MED12L: variants seen among roughly 807,000 people sequenced by gnomAD.
The protein encoded by MED12L is mediator complex subunit 12L, also known as mediator of RNA polymerase II transcription subunit 12-like protein.
In MED12L, 60 loss-of-function variants were observed where a neutral mutation model predicts 281.3. The ratio of observed to expected loss-of-function variants is 0.21; its 90% CI spans 0.17 to 0.26. The LOEUF is 0.26. MED12L is among the 10% of genes least tolerant of loss of function. The pLI, the probability that MED12L is intolerant of heterozygous loss-of-function variation, is 1.00. For synonymous variants in MED12L, 974 were observed against 987.2 expected (o/e 0.99, Z 0.25); for missense variants, 2,146 against 2,680.9 (o/e 0.80, Z 4.41).
intron 43 of MED12L, among the ~76,000 whole-genome samples, chr3:151,418,555 G>T (rs1717886444): frequency 6.6e-6 from 1 of 152,148 alleles, no homozygotes; most frequent in Non-Finnish European, 1.5e-5. Flanking sequence ...GATTAATCAT[G>T]ATTAGATTCA....
intron 16 of MED12L, among the ~76,000 whole-genome samples, chr3:151,299,802 A>G (rs141792439): frequency 2.0e-5 from 3 of 152,100 alleles, no homozygotes; most frequent in Non-Finnish European, 4.4e-5. Context: ...ATCTTCCATA[A>G]ATATTATTAA....
chr3:151,409,264 G>T lies in MED12L; in HGVS notation c.5842G>T (p.Ala1948Ser). Residue 1948 changes from alanine to serine, a missense_variant, in exon 40 of 45, where the codon GCT becomes TCT. Coordinates refer to ENST00000687756, the MANE Select transcript of MED12L (RefSeq NM_001393769.1). ...FQQGQPGDQA[A>S]LFAAQARPSP... ...CCAGGGCCAGCCGGGGGACCAGGCTGCTCTCTTTGCTGCGCAAGCACGGCC... is the reference window on the plus strand; with the variant it reads ...CCAGGGCCAGCCGGGGGACCAGGCTTCTCTCTTTGCTGCGCAAGCACGGCC... The T allele has an allele frequency of 6.2e-7, 1 of 1,608,214 alleles. No homozygotes were observed.
chr3:151,163,058 CAT>C (rs1258481304), intron 8 of MED12L, among the ~76,000 whole-genome samples: 2 of 152,106 alleles, frequency 1.3e-5, no homozygotes, highest in African/African-American at 2.4e-5. Flanking sequence ...GGCAGGATAA[CAT>C]AGTGGTTCTG....
intron 32 of MED12L, among the ~76,000 whole-genome samples, chr3:151,380,532 G>A (rs1215387448): frequency 1.3e-5 from 2 of 151,598 alleles, no homozygotes; most frequent in Non-Finnish European, 2.9e-5. Flanking sequence ...GGGAGGCAGA[G>A]GCTGCAGTGA....
At chr3:151,343,060 A>G (rs570869140) in intron 16 of MED12L, among the ~76,000 whole-genome samples, 10 of 152,128 alleles carry the variant, frequency 6.6e-5, no homozygotes, top group African/African-American at 2.4e-4. Context: ...ATCTTTCCCT[A>G]TCACACCCTC....
At chr3:151,385,218 A>T in intron 36 of MED12L, 27 bp downstream of exon 36, 1 of 1,091,528 alleles carries the variant, frequency 9.2e-7, no homozygotes. Flanking sequence ...TTTCTTATAT[A>T]TAAATTTATT....
chr3:151,264,903 C>T (rs1739547701), intron 16 of MED12L, among the ~76,000 whole-genome samples: 1 of 152,056 alleles, frequency 6.6e-6, no homozygotes. Context: ...CTGCCTTGCC[C>T]TTCTCTTGTA....
intron 16 of MED12L, among the ~76,000 whole-genome samples, chr3:151,264,307 C>T (rs1041886232): frequency 4.6e-5 from 7 of 152,194 alleles, no homozygotes; most frequent in Admixed American, 1.3e-4. Context: ...AGAGTTTGTG[C>T]TCACTTAGCA....
intron 16 of MED12L, among the ~76,000 whole-genome samples, chr3:151,317,276 CAT>C (rs1748381799): frequency 6.6e-6 from 1 of 151,458 alleles, no homozygotes; most frequent in African/African-American, 2.4e-5. Context: ...ACACAATAGA[CAT>C]ATTTTTACAC....
rs1315954148 is a variant in MED12L, at chr3:151,159,961, G to A, written c.967G>A (p.Gly323Arg). 2 of 1,614,176 alleles carry A rather than the reference G, an allele frequency of 1.2e-6. No individual in the cohort carries two copies. Among genetic ancestry groups the A allele is most frequent in the South Asian group, 2.2e-5 (2 of 91,084 alleles). ...TGCCCACTCACCCCACATGATGATA[G>A]GACCAAACAACTCGAGTATCGGGGC... is the stretch of plus-strand genomic sequence containing the variant. Reference protein sequence around the residue: ...LAAHSPHMMIGPNNSSIGAPS... With the variant: ...LAAHSPHMMIRPNNSSIGAPS... The change falls in exon 8 of 45, where the codon GGA becomes AGA. Residue 323 changes from glycine (G) to arginine (R), a missense_variant. By Grantham distance (125) the Gly-to-Arg change is moderately radical. This residue lies in a region of MED12L where 722 missense variants were observed against 861.2 expected (regional missense o/e 0.84). Transcript: ENST00000687756.
At chr3:151,403,907 G>A (rs1715992904) in intron 39 of MED12L, among the ~76,000 whole-genome samples, 1 of 152,158 alleles carries the variant, frequency 6.6e-6, no homozygotes, top group Non-Finnish European at 1.5e-5. Context: ...TTTCTGAAAA[G>A]ACTCAGTTTT....
At chr3:151,308,156 A>G (rs1746968613) in intron 16 of MED12L, among the ~76,000 whole-genome samples, 1 of 152,204 alleles carries the variant, frequency 6.6e-6, no homozygotes, top group Admixed American at 6.5e-5. Context: ...TATTTCTTAA[A>G]AAGCATATTT....
At chr3:151,344,058 A>G (rs1275886761) in intron 16 of MED12L, among the ~76,000 whole-genome samples, 1 of 152,158 alleles carries the variant, frequency 6.6e-6, no homozygotes, top group Non-Finnish European at 1.5e-5. Flanking sequence ...AACAGGTTCC[A>G]AAAGTAACGA....
chr3:151,165,372 C>A, intron 9 of MED12L, 48 bp from the exon 10 acceptor site: 2 of 1,450,234 alleles, frequency 1.4e-6, no homozygotes, highest in Non-Finnish European at 1.9e-6. Flanking sequence ...TTTAGACATG[C>A]GCTGTGGCAT....
chr3:151,384,191 A>G lies in MED12L; in HGVS notation c.4899A>G (p.Ala1633=). ...GGGGATCTGAAGAGAACAAGCGTGC[A>G]TACATGAATTTAGTAAAGAAACTGA... The part of the protein sequence containing the change: ...SPGGSEENKR[A]YMNLVKKLKK... The change falls in exon 35 of 45, where the codon GCA becomes GCG. Residue 1633 remains alanine (A), a synonymous_variant. Transcript: ENST00000687756. 1 of 1,609,006 alleles carries G rather than the reference A, an allele frequency of 6.2e-7. No individual in the cohort carries two copies. The highest frequency in any genetic ancestry group is 8.5e-7 in the Non-Finnish European group (1 of 1,178,648).
At chr3:151,393,386 G>A (rs530516146) in intron 38 of MED12L, among the ~76,000 whole-genome samples, 16 of 152,162 alleles carry the variant, frequency 1.1e-4, no homozygotes, top group East Asian at 5.8e-4. Flanking sequence ...AGTCAATTAC[G>A]GTGTTGAATC....
At chr3:151,353,674 C>T (rs1435329138) in intron 17 of MED12L, among the ~76,000 whole-genome samples, 1 of 152,130 alleles carries the variant, frequency 6.6e-6, no homozygotes, top group East Asian at 1.9e-4. Context: ...TGTTTAAGAC[C>T]ATTACATTTG....
chr3:151,216,265 G>A lies in MED12L; in HGVS notation c.2250+22599G>A, dbSNP rs149717082. On this transcript the variant is annotated intron_variant, in intron 16 of 44. Transcript: ENST00000687756. Reference sequence around the variant, plus strand: ...ATCCTTGCTCTTAAGATTTATTCAGGGATCAAGGGAAAGAAAGATTGTGGG... The same window carrying A: ...ATCCTTGCTCTTAAGATTTATTCAGAGATCAAGGGAAAGAAAGATTGTGGG... Among the ~76,000 whole-genome samples the A allele has an allele frequency of 2.2e-3, 339 of 152,324 alleles. 1 individual carries two copies. The highest frequency in any genetic ancestry group is 3.5e-3 in the Non-Finnish European group (240 of 68,028).
chr3:151,373,769 G>C (rs1337979793), intron 27 of MED12L, among the ~76,000 whole-genome samples: 1 of 152,096 alleles, frequency 6.6e-6, no homozygotes, highest in East Asian at 1.9e-4. Context: ...TTTAAAAATA[G>C]TTGGTATTTT....
Sources: gnomAD v4.1 joint callset for allele counts (sites outside exome capture counted in the v4.1 genomes callset) on GRCh38, gnomAD v4.1.1 for gene constraint, gnomAD v4.1.1 regional missense constraint, MANE v1.5 for transcripts, NCBI Gene and HGNC (gene_info 2026-07-23, HGNC 2026-07-21) for gene names.